The following HSP90AA1 variants were observed in gnomAD, a reference collection of about 807,000 sequenced individuals.
HSP90AA1 encodes the protein heat shock protein HSP 90-alpha.
HSP90AA1 carries 18 observed loss-of-function variants against 73.3 expected under a neutral mutation model. The ratio of observed to expected loss-of-function variants is 0.25; its 90% CI spans 0.17 to 0.36. HSP90AA1 has a LOEUF of 0.36. Among genes scored for constraint, HSP90AA1 ranks in the 10% least tolerant of loss-of-function variants. The pLI, the probability that HSP90AA1 is intolerant of heterozygous loss-of-function variation, is 1.00. For synonymous variants in HSP90AA1, 477 were observed against 296.9 expected (o/e 1.61, Z -6.24); for missense variants, 704 against 874.2 (o/e 0.81, Z 2.45).
intron 10 of HSP90AA1, 144 bp from the exon 11 acceptor site, chr14:102,081,965 A>G: frequency 1.3e-6 from 1 of 766,502 alleles, no homozygotes; most frequent in Non-Finnish European, 2.3e-6. Flanking sequence ...GTAAGACCTT[A>G]CTTATCCCTA....
intron 1 of HSP90AA1, among the ~76,000 whole-genome samples, chr14:102,121,022 T>TAC (rs1196251138): frequency 0.011 from 1,532 of 145,272 alleles, 15 homozygotes; most frequent in African/African-American, 0.02. Flanking sequence ...CACACACACA[T>TAC]ACACACACAC....
Position 102,109,970 on chromosome 14 carries a change from A to G in HSP90AA1, c.156-7885T>C, listed in dbSNP as rs147877988. Among the ~76,000 whole-genome samples, 3 of 152,190 alleles carry G rather than the reference A, an allele frequency of 2.0e-5. No individual in the cohort carries two copies. The East Asian group carries it at 5.8e-4, about 29-fold the overall frequency. On this transcript the variant is annotated intron_variant, in intron 1 of 11. Coordinates refer to the HSP90AA1 transcript ENST00000334701. ...TTTTTTTGAGATGGAGTCCTGCTCTATCATTCAGGCTGGAGTGCAGTGGTG... is the reference window on the plus strand; with the variant it reads ...TTTTTTTGAGATGGAGTCCTGCTCTGTCATTCAGGCTGGAGTGCAGTGGTG...
chr14:102,081,944 TCTTTGCTCTTGTAAGAC>T (rs1399323438), intron 10 of HSP90AA1, 123 bp from the exon 11 acceptor site: 15 of 777,692 alleles, frequency 1.9e-5, no homozygotes, highest in Non-Finnish European at 2.8e-5. Flanking sequence ...CAATTTCATT[TCTTTGCTCTTGTAAGAC>T]CTTACTTATC....
upstream of HSP90AA1, among the ~76,000 whole-genome samples, chr14:102,087,969 C>G (rs1200619719): frequency 1.2e-5 from 1 of 83,106 alleles, no homozygotes. Context: ...TTTTTTTGGA[C>G]AGGCTCTCGC....
chr14:102,098,482 T>G (rs1174394657), intron 2 of HSP90AA1, among the ~76,000 whole-genome samples: 1 of 54,176 alleles, frequency 1.8e-5, no homozygotes, highest in Admixed American at 2.0e-4. Context: ...TTTTTTTTTT[T>G]GTGACAAAGT....
At chr14:102,085,181 G>A (rs552132792) in intron 4 of HSP90AA1, 117 bp downstream of exon 4, 6 of 1,413,782 alleles carry the variant, frequency 4.2e-6, no homozygotes, top group African/African-American at 1.4e-5. Flanking sequence ...TTAGGTAGTA[G>A]AGCTTAGGTT....
At chr14:102,102,641 C>T (rs753885216) in intron 1 of HSP90AA1, among the ~76,000 whole-genome samples, 25 of 152,202 alleles carry the variant, frequency 1.6e-4, no homozygotes, top group Non-Finnish European at 3.4e-4. Context: ...GCCACGCATA[C>T]GACTTGTGAG....
intron 2 of HSP90AA1, among the ~76,000 whole-genome samples, chr14:102,098,033 C>T (rs1368403521): frequency 1.3e-5 from 2 of 152,198 alleles, no homozygotes; most frequent in African/African-American, 4.8e-5. Flanking sequence ...GACAGGTCAA[C>T]ATTATCCCTT....
At chr14:102,111,473 A>C (rs184550041) in intron 1 of HSP90AA1, among the ~76,000 whole-genome samples, 41 of 152,358 alleles carry the variant, frequency 2.7e-4, no homozygotes, top group Middle Eastern at 3.4e-3. Context: ...ACCTCTGCCT[A>C]GATTTCCCTT....
intron 1 of HSP90AA1, among the ~76,000 whole-genome samples, chr14:102,134,951 A>G (rs1026190932): frequency 1.3e-5 from 2 of 152,200 alleles, no homozygotes; most frequent in Admixed American, 1.3e-4. Flanking sequence ...GTGCGTTTAC[A>G]ATCCCTGAGC....
intron 1 of HSP90AA1, among the ~76,000 whole-genome samples, chr14:102,103,898 G>A (rs1478195334): frequency 6.6e-6 from 1 of 151,942 alleles, no homozygotes. Context: ...CAGCTAGTTG[G>A]GAGGCTGAGG....
intron 1 of HSP90AA1, among the ~76,000 whole-genome samples, chr14:102,124,510 A>G (rs2049818152): frequency 6.6e-6 from 1 of 151,724 alleles, no homozygotes; most frequent in African/African-American, 2.4e-5. Flanking sequence ...TACTTTTTAA[A>G]TCTGCTATAT....
At chr14:102,087,686 C>T (rs905607759), upstream of HSP90AA1, among the ~76,000 whole-genome samples, 1 of 152,208 alleles carries the variant, frequency 6.6e-6, no homozygotes, top group African/African-American at 2.4e-5. Context: ...TGTCCCGCGG[C>T]CTGCGCGCTC....
Position 102,085,936 on chromosome 14 carries a change from C to G in HSP90AA1, c.351G>C (p.Ala117=). The G allele has an allele frequency of 6.2e-7, 1 of 1,613,916 alleles. No individual in the cohort carries two copies. Among genetic ancestry groups the G allele is most frequent in the Non-Finnish European group, 8.5e-7 (1 of 1,179,802 alleles). The change falls in exon 3 of 11, where the codon GCG becomes GCC. Residue 117 remains alanine (A), a synonymous_variant. Transcript: ENST00000216281. ...LGTIAKSGTK[A]FMEALQAGAD... ...CACCAGCCTGCAAAGCTTCCATGAA[C>G]GCTTTGGTCCCAGACTTGGCGATAG...
intron 1 of HSP90AA1, among the ~76,000 whole-genome samples, chr14:102,123,620 C>T (rs1229693166): frequency 6.6e-6 from 1 of 151,752 alleles, no homozygotes; most frequent in Non-Finnish European, 1.5e-5. Flanking sequence ...AAGGGATCCT[C>T]CCGCCTTGGT....
chr14:102,127,030 G>C (rs1566736040), intron 1 of HSP90AA1, among the ~76,000 whole-genome samples: 1 of 115,750 alleles, frequency 8.6e-6, no homozygotes. Flanking sequence ...TTCAGAGAGT[G>C]AGAAGTACTT....
chr14:102,082,463 G>T lies in HSP90AA1; in HGVS notation c.1756-19C>A. The stretch of plus-strand genomic sequence containing the variant: ...CAACCACCTGTAATCAAAAAGTGAT[G>T]ACTAGGAACCTAGAAAGATTAATTC... On this transcript the variant is annotated intron_variant, in intron 9 of 10. Coordinates refer to ENST00000216281, the MANE Select transcript of HSP90AA1 (RefSeq NM_005348.4). 1.3e-6 allele frequency: 2 copies of T among 1,581,368 alleles called. No individual in the cohort carries two copies. Among genetic ancestry groups the T allele is most frequent in the South Asian group, 1.1e-5 (1 of 90,472 alleles).
chr14:102,082,102 A>G lies in HSP90AA1; in HGVS notation c.2089+9T>C. ...TTTTCTTTTTAACATTACATAGTATAAGGCTTACCCAGACCAAGTTTGATC... is the reference window on the plus strand; with the variant it reads ...TTTTCTTTTTAACATTACATAGTATGAGGCTTACCCAGACCAAGTTTGATC... On this transcript the variant is annotated intron_variant, in intron 10 of 10. Coordinates refer to ENST00000216281, the MANE Select transcript of HSP90AA1 (RefSeq NM_005348.4). The G allele has an allele frequency of 6.4e-7, 1 of 1,571,504 alleles. No individual in the cohort carries two copies. The highest frequency in any genetic ancestry group is 8.8e-7 in the Non-Finnish European group (1 of 1,141,446).
chr14:102,109,682 C>A (rs1272634030), intron 1 of HSP90AA1, among the ~76,000 whole-genome samples: 1 of 152,146 alleles, frequency 6.6e-6, no homozygotes, highest in Non-Finnish European at 1.5e-5. Flanking sequence ...TTGTTACCAG[C>A]AGAGTGGGGC....
Sources: allele counts gnomAD v4.1 joint callset (sites outside exome capture counted in the v4.1 genomes callset), GRCh38; gene constraint gnomAD v4.1.1; transcripts MANE v1.5; gene names NCBI Gene and HGNC (gene_info 2026-07-23, HGNC 2026-07-21).